MCTP1: variants seen among roughly 807,000 people sequenced by gnomAD.
The protein encoded by MCTP1 is multiple C2 and transmembrane domain containing 1.
MCTP1 carries 69 observed loss-of-function variants against 120.6 expected under a neutral mutation model. That is an observed-to-expected ratio of 0.57 (90% CI 0.47 to 0.70). MCTP1 has a LOEUF of 0.70. Ranked by LOEUF, MCTP1 falls within the 30% of genes least tolerant of loss-of-function variation. The pLI, the probability that MCTP1 is intolerant of heterozygous loss-of-function variation, is 0.00. For synonymous variants in MCTP1, 529 were observed against 493.1 expected (o/e 1.07, Z -0.96); for missense variants, 1,203 against 1,248.8 (o/e 0.96, Z 0.55).
At chr5:95,281,442 G>C (rs1760306307) in intron 1 of MCTP1, among the ~76,000 whole-genome samples, 2 of 152,154 alleles carry the variant, frequency 1.3e-5, no homozygotes, top group South Asian at 2.1e-4. Flanking sequence ...ATTGGTCAGA[G>C]AGTGCTGCTG....
At chr5:94,717,966 T>G (rs1234595202) in intron 19 of MCTP1, among the ~76,000 whole-genome samples, 1 of 152,092 alleles carries the variant, frequency 6.6e-6, no homozygotes, top group Non-Finnish European at 1.5e-5. Context: ...GATTCAATGC[T>G]ATTCCCAAAC....
intron 18 of MCTP1, among the ~76,000 whole-genome samples, chr5:94,779,591 G>T (rs1286750399): frequency 6.6e-6 from 1 of 152,062 alleles, no homozygotes; most frequent in Non-Finnish European, 1.5e-5. Context: ...AAAAAACCAT[G>T]TCTGTTAATT....
At chr5:94,757,567 T>C (rs746391202) in intron 19 of MCTP1, among the ~76,000 whole-genome samples, 16 of 152,174 alleles carry the variant, frequency 1.1e-4, no homozygotes, top group Non-Finnish European at 2.1e-4. Flanking sequence ...TCTGAGGTTA[T>C]GATGGGACAA....
chr5:94,868,586 A>C, intron 16 of MCTP1, 134 bp from the exon 17 acceptor site: 3 of 542,002 alleles, frequency 5.5e-6, no homozygotes, highest in Non-Finnish European at 8.6e-6. Context: ...ATACCAAACA[A>C]TTTGGCTCAC....
intron 1 of MCTP1, among the ~76,000 whole-genome samples, chr5:95,140,675 G>A (rs1425090643): frequency 1.9e-4 from 21 of 111,896 alleles, no homozygotes; most frequent in African/African-American, 7.1e-4. Flanking sequence ...GGCTAACACC[G>A]TGAAACCCTG....
At chr5:94,921,665 T>G (rs1391097811) in intron 7 of MCTP1, among the ~76,000 whole-genome samples, 1 of 152,128 alleles carries the variant, frequency 6.6e-6, no homozygotes, top group Non-Finnish European at 1.5e-5. Context: ...GTTACCAGAG[T>G]GACCTTTGAA....
chr5:95,020,870 C>T (rs2153673554), intron 1 of MCTP1, among the ~76,000 whole-genome samples: 1 of 152,080 alleles, frequency 6.6e-6, no homozygotes, highest in East Asian at 1.9e-4. Flanking sequence ...ACATTAAGTT[C>T]CCATATACAG....
chr5:95,277,170 A>C (rs1320967047), intron 1 of MCTP1, among the ~76,000 whole-genome samples: 1 of 152,152 alleles, frequency 6.6e-6, no homozygotes, highest in African/African-American at 2.4e-5. Context: ...TTGGGTGCGA[A>C]AAATGGATAC....
In MCTP1 at chr5:94,790,344, G is replaced by C. The variant is rs147095299; in HGVS notation, c.2556+8669C>G. On this transcript the variant is annotated intron_variant, in intron 18 of 22. Transcript: ENST00000515393. ...CACAGGGAGCTCAACCAGTGGGTGCGGCACGCAAGAGAAAAAGAGGACCCA... is the reference window on the plus strand; with the variant it reads ...CACAGGGAGCTCAACCAGTGGGTGCCGCACGCAAGAGAAAAAGAGGACCCA... Among the ~76,000 whole-genome samples the C allele has an allele frequency of 1.5e-3, 229 of 152,324 alleles. 2 individuals carry two copies. The highest frequency in any genetic ancestry group is 5.3e-3 in the African/African-American group (221 of 41,560).
chr5:95,148,716 G>A (rs1760633296), intron 1 of MCTP1, among the ~76,000 whole-genome samples: 1 of 152,044 alleles, frequency 6.6e-6, no homozygotes, highest in Non-Finnish European at 1.5e-5. Context: ...ACATTTCTGA[G>A]GGGCTAGTAT....
At chr5:94,991,575 A>G (rs769828611) in intron 2 of MCTP1, among the ~76,000 whole-genome samples, 2 of 152,208 alleles carry the variant, frequency 1.3e-5, no homozygotes, top group Non-Finnish European at 2.9e-5. Flanking sequence ...GTGACATTTA[A>G]GAAGAAAACA....
chr5:94,716,475 C>A (rs1230509964), intron 19 of MCTP1, among the ~76,000 whole-genome samples: 1 of 151,952 alleles, frequency 6.6e-6, no homozygotes, highest in South Asian at 2.1e-4. Flanking sequence ...TTTCCTGTTC[C>A]TTTCAAAACT....
At chr5:95,281,629 T>A (rs1582728098) in intron 1 of MCTP1, among the ~76,000 whole-genome samples, 1 of 152,250 alleles carries the variant, frequency 6.6e-6, no homozygotes, top group African/African-American at 2.4e-5. Flanking sequence ...CTTTCTCTTA[T>A]TTTTTGAAAG....
At chr5:94,998,050 A>T (rs943929967) in intron 2 of MCTP1, among the ~76,000 whole-genome samples, 2 of 152,156 alleles carry the variant, frequency 1.3e-5, no homozygotes, top group African/African-American at 4.8e-5. Flanking sequence ...GGCAGTAAAA[A>T]TTTTATTTGC....
chr5:94,920,137 G>T (rs900562828), intron 7 of MCTP1, among the ~76,000 whole-genome samples: 2 of 152,012 alleles, frequency 1.3e-5, no homozygotes, highest in African/African-American at 2.4e-5. Flanking sequence ...CTTTTACTAC[G>T]TTTGTTCGAA....
At chr5:95,145,604 G>A (rs1052281069) in intron 1 of MCTP1, among the ~76,000 whole-genome samples, 2 of 152,016 alleles carry the variant, frequency 1.3e-5, no homozygotes, top group East Asian at 1.9e-4. Flanking sequence ...TGAACATGAA[G>A]GGATATCAGA....
intron 12 of MCTP1, among the ~76,000 whole-genome samples, chr5:94,876,905 T>C (rs1364447866): frequency 3.3e-5 from 5 of 152,048 alleles, no homozygotes; most frequent in Non-Finnish European, 7.4e-5. Context: ...GCTGCTCTGC[T>C]CACCCCAGAA....
chr5:95,029,705 A>T lies in MCTP1; in HGVS notation c.721-12221T>A, dbSNP rs71646185. 4.2e-3 allele frequency among the ~76,000 whole-genome samples: 640 copies of T among 152,308 alleles called. 3 individuals are homozygous for T. Among genetic ancestry groups the T allele is most frequent in the Non-Finnish European group, 6.9e-3 (469 of 68,018 alleles). Reference sequence around the variant, plus strand: ...GGGAACCCCTCTGACCTTGTGACTCAGGGCAATGCTATCTGTGGTGATTTG... The same window carrying T: ...GGGAACCCCTCTGACCTTGTGACTCTGGGCAATGCTATCTGTGGTGATTTG... On this transcript the variant is annotated intron_variant, in intron 1 of 22. Coordinates refer to ENST00000515393, the MANE Select transcript of MCTP1 (RefSeq NM_024717.7).
At chr5:94,913,468 T>C (rs538782640) in intron 8 of MCTP1, among the ~76,000 whole-genome samples, 1 of 152,358 alleles carries the variant, frequency 6.6e-6, no homozygotes, top group African/African-American at 2.4e-5. Context: ...TAAAAACTTC[T>C]TTCTTGCCAC....
Sources: allele counts gnomAD v4.1 joint callset (sites outside exome capture counted in the v4.1 genomes callset), GRCh38; gene constraint gnomAD v4.1.1; transcripts MANE v1.5; gene names NCBI Gene and HGNC (gene_info 2026-07-23, HGNC 2026-07-21).